RPL15: variants seen among roughly 807,000 people sequenced by gnomAD.
The protein encoded by RPL15 is ribosomal protein L15, also known as large ribosomal subunit protein eL15.
For missense variants in RPL15, 161 were observed against 271.8 expected, an observed-to-expected ratio of 0.59 and a Z score of 2.87; for synonymous variants, 97 against 95.1, an observed-to-expected ratio of 1.02 and a Z score of -0.12.
chr3:23,916,839 G>A (rs930425838), upstream of RPL15: 2 of 152,830 alleles, frequency 1.3e-5, no homozygotes, highest in Admixed American at 6.5e-5. Flanking sequence ...GCGGCCACCG[G>A]CTTTGGAGCC....
intron 2 of RPL15, 195 bp downstream of exon 2, chr3:23,918,226 A>G: frequency 2.2e-6 from 2 of 918,172 alleles, no homozygotes; most frequent in Non-Finnish European, 3.3e-6. Context: ...ACAAATCTGA[A>G]TGAGTTCAGA....
At chr3:23,919,054 T>C (rs1704904457) in intron 3 of RPL15, 142 bp from the exon 4 acceptor site, 1 of 634,884 alleles carries the variant, frequency 1.6e-6, no homozygotes. Flanking sequence ...TGTGATAGTC[T>C]AGGGAGAAAT....
chr3:23,919,981 A>G lies in RPL15; in HGVS notation c.*480A>G, dbSNP rs1704981880. 17 of 987,560 alleles carry G rather than the reference A, an allele frequency of 1.7e-5. No homozygotes were observed. Among genetic ancestry groups the G allele is most frequent in the Non-Finnish European group, 1.9e-5 (16 of 831,164 alleles). The allele number at this position is 987,560 out of a possible 1,614,324, so 61.2% of individuals were successfully genotyped here. On this transcript the variant is annotated 3_prime_UTR_variant, in exon 4 of 4. Transcript: ENST00000307839. ...AGAAAATTGCCTCAGCCTCCACAGT[A>G]CCATTTTAAATTCACATAAAAGGTG...
In RPL15 at chr3:23,919,891, GT is replaced by G. The variant is rs367621594; in HGVS notation, c.*398del. 5.0e-6 allele frequency: 5 copies of G among 993,560 alleles called. No individual in the cohort carries two copies. In the East Asian group the frequency reaches 3.3e-4, roughly 65 times the overall value. 61.5% of individuals were successfully genotyped at this position (993,560 alleles called of 1,614,324 possible). ...TGCTGGTTTATTTTCAAGTGGCTGC[GT>G]TTTTTTTAGTTTGGCAGGTGTAGAC... On this transcript the variant is annotated 3_prime_UTR_variant, in exon 4 of 4. Coordinates refer to ENST00000307839, the MANE Select transcript of RPL15 (RefSeq NM_002948.5).
downstream of RPL15, chr3:23,921,903 C>T (rs1303991987): frequency 5.1e-6 from 2 of 394,002 alleles, no homozygotes; most frequent in Non-Finnish European, 9.0e-6. Flanking sequence ...CAGACAGGAT[C>T]TCACTATGTT....
chr3:23,919,467 G>A lies in RPL15; in HGVS notation c.581G>A (p.Arg194Lys). 6.3e-7 allele frequency: 1 copy of A among 1,599,290 alleles called. No individual in the cohort carries two copies. Among genetic ancestry groups the A allele is most frequent in the East Asian group, 2.2e-5 (1 of 44,818 alleles). ...IGGSRRAAWR[R>K]RNTLQLHRYR is the part of the protein sequence containing the mutation. Reference sequence around the variant, plus strand: ...GGCTCTCGCCGGGCAGCTTGGAGAAGGCGCAATACTCTCCAGCTCCACCGT... The same window carrying A: ...GGCTCTCGCCGGGCAGCTTGGAGAAAGCGCAATACTCTCCAGCTCCACCGT... The change falls in exon 4 of 4, where the codon AGG becomes AAG. Residue 194 changes from arginine (R) to lysine (K), a missense_variant. By Grantham distance (26) the Arg-to-Lys change is conservative. Coordinates refer to ENST00000307839, the MANE Select transcript of RPL15 (RefSeq NM_002948.5).
rs57810037 is a variant in RPL15, at chr3:23,919,847, C to T, written c.*346C>T. ...CATGTGATGAAACCTGCAGCTTTAT[C>T]GGAGTGATGGCAATGCTCTGCTGGT... On this transcript the variant is annotated 3_prime_UTR_variant, in exon 4 of 4. Transcript: ENST00000307839. The T allele has an allele frequency of 7.2e-5, 73 of 1,020,358 alleles. No homozygotes were observed. The South Asian group carries it at 9.9e-4, about 14-fold the overall frequency. 63.2% of individuals were successfully genotyped at this position (1,020,358 alleles called of 1,614,324 possible).
At chr3:23,916,675 C>A (rs1704519435), upstream of RPL15, 2 of 152,634 alleles carry the variant, frequency 1.3e-5, no homozygotes, top group Non-Finnish European at 1.5e-5. Flanking sequence ...AGCTCTGGGG[C>A]CCAGATTTCT....
rs1052514182 is a variant in RPL15 at position 23,920,094 on chromosome 3, G to C, written c.*593G>C. ...TGGTGTGTTTTGAAGTTGAATGTGC[G>C]ATAAAATTATTAGCCTTAAGATTGG... On this transcript the variant is annotated 3_prime_UTR_variant, in exon 4 of 4. Coordinates refer to ENST00000307839, the MANE Select transcript of RPL15 (RefSeq NM_002948.5). The C allele has an allele frequency of 1.0e-6, 1 of 985,780 alleles. No individual in the cohort carries two copies. The highest frequency in any genetic ancestry group is 1.7e-5 in the African/African-American group (1 of 57,248). The allele number at this position is 985,780 out of a possible 1,614,324, so 61.1% of individuals were successfully genotyped here.
chr3:23,919,917 C>T lies in RPL15; in HGVS notation c.*416C>T, dbSNP rs574999516. 10 of 990,506 alleles carry T rather than the reference C, an allele frequency of 1.0e-5. No individual in the cohort carries two copies. The African/African-American group carries it at 1.7e-4, about 17-fold the overall frequency. The allele number at this position is 990,506 out of a possible 1,614,324, so 61.4% of individuals were successfully genotyped here. On this transcript the variant is annotated 3_prime_UTR_variant, in exon 4 of 4. Transcript: ENST00000307839. ...TTTTTTTTAGTTTGGCAGGTGTAGA[C>T]TTTTTAAGTTGGGCTTTAGAAAATC...
downstream of RPL15, chr3:23,921,975 G>T: frequency 1.0e-5 from 2 of 195,810 alleles, no homozygotes; most frequent in Non-Finnish European, 1.0e-5. Context: ...CAAAGTGCTG[G>T]AATTATAGGA....
At chr3:23,921,494 C>G (rs185552135), downstream of RPL15, 3 of 659,796 alleles carry the variant, frequency 4.5e-6, no homozygotes, top group African/African-American at 3.6e-5. Context: ...ATACCCTGAC[C>G]GCCCCACAAG....
chr3:23,921,179 G>A (rs1705059129), downstream of RPL15, among the ~76,000 whole-genome samples: 1 of 152,146 alleles, frequency 6.6e-6, no homozygotes, highest in Non-Finnish European at 1.5e-5. Context: ...GAGAGAAAGG[G>A]TTCGGGCCAA....
downstream of RPL15, chr3:23,923,982 T>C (rs923018602): frequency 1.3e-5 from 2 of 152,228 alleles, no homozygotes; most frequent in African/African-American, 4.8e-5. Flanking sequence ...TACATTGTTT[T>C]CCTGGCCTCT....
intron 3 of RPL15, 161 bp downstream of exon 3, chr3:23,918,737 TTGTC>T: frequency 1.2e-6 from 1 of 833,744 alleles, no homozygotes. Flanking sequence ...CTTGAAAGAC[TTGTC>T]TTTGTTACAA....
At chr3:23,922,702 T>C (rs1195347935), downstream of RPL15, 1 of 152,226 alleles carries the variant, frequency 6.6e-6, no homozygotes, top group East Asian at 1.9e-4. This position sits in a 1 kb window ranked among gnomAD's most constrained non-coding sequence, Gnocchi z 4.2. Context: ...AAGTTTTTGA[T>C]AGATAATACA....
chr3:23,918,721 T>A, intron 3 of RPL15, 145 bp downstream of exon 3: 1 of 956,702 alleles, frequency 1.0e-6, no homozygotes, highest in Non-Finnish European at 1.5e-6. Context: ...TGGTGAAGAG[T>A]AATTGCTTGA....
rs1705008779 is a variant in RPL15 at position 23,920,352 on chromosome 3, T to C, written c.*851T>C. 1 of 985,406 alleles carries C rather than the reference T, an allele frequency of 1.0e-6. No individual in the cohort carries two copies. Among genetic ancestry groups the C allele is most frequent in the Non-Finnish European group, 1.2e-6 (1 of 829,858 alleles). 61.0% of individuals were successfully genotyped at this position (985,406 alleles called of 1,614,324 possible). Reference sequence around the variant, plus strand: ...GGGTTACCCACTCTGTCCACTCCCATAGGCTACAGAAAAAGTCACAAGCGC... The same window carrying C: ...GGGTTACCCACTCTGTCCACTCCCACAGGCTACAGAAAAAGTCACAAGCGC... On this transcript the variant is annotated 3_prime_UTR_variant, in exon 4 of 4. Transcript: ENST00000307839.
intron 3 of RPL15, 23 bp from the exon 4 acceptor site, chr3:23,919,173 T>G (rs1161021581): frequency 1.3e-6 from 2 of 1,558,680 alleles, no homozygotes; most frequent in Non-Finnish European, 1.8e-6. Flanking sequence ...GAGATTGACC[T>G]TGGGCCTTTT....
Sources: gnomAD v4.1 joint callset for allele counts (sites outside exome capture counted in the v4.1 genomes callset) on GRCh38, gnomAD v4.1.1 for gene constraint, Gnocchi (gnomAD v3.1) non-coding constraint, MANE v1.5 for transcripts, NCBI Gene and HGNC (gene_info 2026-07-23, HGNC 2026-07-21) for gene names.